ATXN10: variants seen among roughly 807,000 people sequenced by gnomAD.
The protein encoded by ATXN10 is ataxin 10, also known as ataxin-10.
A neutral mutation model predicts 52.9 loss-of-function variants in ATXN10; 28 were observed. The ratio of observed to expected loss-of-function variants is 0.53; its 90% CI spans 0.39 to 0.73. The LOEUF (loss-of-function observed/expected upper bound fraction) is 0.73. ATXN10 is among the 30% of genes least tolerant of loss of function. The pLI, the probability that ATXN10 is intolerant of heterozygous loss-of-function variation, is 0.00. For synonymous variants in ATXN10, 226 were observed against 221.5 expected (o/e 1.02, Z -0.18); for missense variants, 565 against 577.0 (o/e 0.98, Z 0.21).
chr22:45,738,884 G>C (rs749086441), intron 8 of ATXN10, 45 bp downstream of exon 8: 2 of 1,483,080 alleles, frequency 1.3e-6, no homozygotes, highest in Admixed American at 3.4e-5. Flanking sequence ...AGAAATCTTT[G>C]GCTTGTCATA....
In ATXN10 at chr22:45,683,361, G is replaced by C. The variant is rs904065148; in HGVS notation, c.117-6351G>C. ...AAGAACCTTCCATGGCTTCACATCA[G>C]GATAAAAGCCAGCGTCCTTCCGTGG... is the stretch of plus-strand genomic sequence containing the variant. On this transcript the variant is annotated intron_variant, in intron 1 of 11. Transcript: ENST00000252934. The surrounding 1 kb of genome is among the most constrained non-coding windows in gnomAD (Gnocchi z 4.8). Among the ~76,000 whole-genome samples the C allele has an allele frequency of 3.3e-5, 5 of 152,154 alleles. No individual in the cohort carries two copies. The highest frequency in any genetic ancestry group is 2.6e-4 in the Admixed American group (4 of 15,284).
At chr22:45,803,609 A>T (rs1383430655) in intron 9 of ATXN10, among the ~76,000 whole-genome samples, 3 of 152,138 alleles carry the variant, frequency 2.0e-5, no homozygotes, top group South Asian at 2.1e-4. Context: ...AGTGACACTT[A>T]TAGGGCCCTT....
At chr22:45,676,694 G>A (rs750837874) in intron 1 of ATXN10, 2 of 152,082 alleles carry the variant, frequency 1.3e-5, no homozygotes, top group Non-Finnish European at 2.9e-5. Flanking sequence ...GGTCAGGTTG[G>A]TCTTGAACTC....
rs1324050977 is a variant in ATXN10 at position 45,681,178 on chromosome 22, T to A, written c.117-8534T>A. Among the ~76,000 whole-genome samples, 3 of 152,240 alleles carry A rather than the reference T, an allele frequency of 2.0e-5. No homozygotes were observed. The highest frequency in any genetic ancestry group is 4.4e-5 in the Non-Finnish European group (3 of 68,040). Reference sequence around the variant, plus strand: ...TCACTTTTCACTCTATTTCTTCTCCTGTCTTAAATCTTCGTTATTTCATTG... The same window carrying A: ...TCACTTTTCACTCTATTTCTTCTCCAGTCTTAAATCTTCGTTATTTCATTG... On this transcript the variant is annotated intron_variant, in intron 1 of 11. Coordinates refer to ENST00000252934, the MANE Select transcript of ATXN10 (RefSeq NM_013236.4). This position sits in a 1 kb window ranked among gnomAD's most constrained non-coding sequence, Gnocchi z 4.2.
chr22:45,760,361 T>G (rs1926340709), intron 9 of ATXN10, among the ~76,000 whole-genome samples: 1 of 152,118 alleles, frequency 6.6e-6, no homozygotes, highest in South Asian at 2.1e-4. Flanking sequence ...CATCGTTCCC[T>G]TTAGTGCAGC....
chr22:45,740,464 G>C lies in ATXN10; in HGVS notation c.1099G>C (p.Ala367Pro), dbSNP rs773390221. 2 of 1,613,868 alleles carry C rather than the reference G, an allele frequency of 1.2e-6. No individual in the cohort carries two copies. The highest frequency in any genetic ancestry group is 1.7e-6 in the Non-Finnish European group (2 of 1,179,912). The change falls in exon 9 of 12, where the codon GCC becomes CCC. Residue 367 changes from alanine to proline, a missense_variant. Ala to Pro is a conservative substitution (Grantham distance 27). Transcript: ENST00000252934. ...VRAEGDISNV[A>P]NGFKSHLIRL... is the part of the protein sequence containing the mutation. ...AGCAGAAGGTGACATCTCCAATGTGGCCAATGGGTTTAAGTCTCATCTCAT... is the reference window on the plus strand; with the variant it reads ...AGCAGAAGGTGACATCTCCAATGTGCCCAATGGGTTTAAGTCTCATCTCAT...
In ATXN10 at chr22:45,775,205, A is replaced by G. The variant is rs1926908529; in HGVS notation, c.1174-31754A>G. Among the ~76,000 whole-genome samples the G allele has an allele frequency of 6.6e-6, 1 of 152,164 alleles. No homozygotes were observed. The highest frequency in any genetic ancestry group is 1.5e-5 in the Non-Finnish European group (1 of 68,026). On this transcript the variant is annotated intron_variant, in intron 9 of 11. Transcript: ENST00000252934. This position sits in a 1 kb window ranked among gnomAD's most constrained non-coding sequence, Gnocchi z 4.7. ...GAGGGGATGGCAGTGGGCAGGGGACAGATGTGTGCACATGGAGGACTGGGA... is the reference window on the plus strand; with the variant it reads ...GAGGGGATGGCAGTGGGCAGGGGACGGATGTGTGCACATGGAGGACTGGGA...
intron 3 of ATXN10, among the ~76,000 whole-genome samples, chr22:45,699,467 C>CT (rs11378331): frequency 0.3 from 35,338 of 119,634 alleles, 5,540 homozygotes; most frequent in East Asian, 0.53. Context: ...CAGTAGAAAT[C>CT]TTTTTTTTTT....
At chr22:45,716,245 C>T (rs751013888) in intron 5 of ATXN10, among the ~76,000 whole-genome samples, 8 of 151,884 alleles carry the variant, frequency 5.3e-5, no homozygotes, top group Non-Finnish European at 1.0e-4. Context: ...AGCTAGGTGA[C>T]AGAGCGAGAC....
intron 6 of ATXN10, among the ~76,000 whole-genome samples, chr22:45,722,247 T>G (rs1308265054): frequency 6.6e-6 from 1 of 152,210 alleles, no homozygotes; most frequent in African/African-American, 2.4e-5. Context: ...TAACTAGCAT[T>G]TGTCAGACCA....
At chr22:45,740,193 C>T (rs1601616456) in intron 8 of ATXN10, among the ~76,000 whole-genome samples, 176 bp from the exon 9 acceptor site, 1 of 152,208 alleles carries the variant, frequency 6.6e-6, no homozygotes, top group South Asian at 2.1e-4. Context: ...GAAGAGCCTT[C>T]TAATCATTTT....
At chr22:45,672,992 A>G (rs1415574834) in intron 1 of ATXN10, 1 of 152,244 alleles carries the variant, frequency 6.6e-6, no homozygotes, top group African/African-American at 2.4e-5. Flanking sequence ...TGCTTGTTTG[A>G]TCTTGTTCTG....
Position 45,826,926 on chromosome 22 carries a change from T to C in ATXN10, c.1238-16065T>C, listed in dbSNP as rs1388897283. 6.6e-6 allele frequency among the ~76,000 whole-genome samples: 1 copy of C among 152,218 alleles called. No homozygotes were observed. The highest frequency in any genetic ancestry group is 1.5e-5 in the Non-Finnish European group (1 of 68,038). On this transcript the variant is annotated intron_variant, in intron 10 of 11. Coordinates refer to ENST00000252934, the MANE Select transcript of ATXN10 (RefSeq NM_013236.4). The surrounding 1 kb of genome is among the most constrained non-coding windows in gnomAD (Gnocchi z 5.0). ...TTCACATTTTGTTTTCTACATATTT[T>C]AAGAGACTAATGTGTCTGAAAGGAT...
In ATXN10 at chr22:45,843,301, T is replaced by C. The variant is rs1216269094; in HGVS notation, c.1425+123T>C. ...GATGGGAGAATTGTGCCCTCTATAG[T>C]GGTTTACCGAGGAAAGCCCTAAAGA... On this transcript the variant is annotated intron_variant, in intron 11 of 11. Coordinates refer to ENST00000252934, the MANE Select transcript of ATXN10 (RefSeq NM_013236.4). This position sits in a 1 kb window ranked among gnomAD's most constrained non-coding sequence, Gnocchi z 4.5. 1 of 1,140,516 alleles carries C rather than the reference T, an allele frequency of 8.8e-7. No individual in the cohort carries two copies. Among genetic ancestry groups the C allele is most frequent in the East Asian group, 2.5e-5 (1 of 40,006 alleles). The allele number at this position is 1,140,516 out of a possible 1,614,324, so 70.6% of individuals were successfully genotyped here.
intron 9 of ATXN10, among the ~76,000 whole-genome samples, chr22:45,776,505 CTTT>C (rs745990618): frequency 7.0e-6 from 1 of 143,374 alleles, no homozygotes. Flanking sequence ...TCCCTGATAC[CTTT>C]TTTTTTTTTT....
In ATXN10 at chr22:45,789,049, C is replaced by A. The variant is rs958871151; in HGVS notation, c.1174-17910C>A. Among the ~76,000 whole-genome samples, 2 of 151,936 alleles carry A rather than the reference C, an allele frequency of 1.3e-5. No homozygotes were observed. Among genetic ancestry groups the A allele is most frequent in the African/African-American group, 4.8e-5 (2 of 41,362 alleles). ...CAAGACATGGGTAGTTTTAAAAGCT[C>A]CCCAGGAGATGCAGATTGACAGTAA... On this transcript the variant is annotated intron_variant, in intron 9 of 11. Transcript: ENST00000252934. This position sits in a 1 kb window ranked among gnomAD's most constrained non-coding sequence, Gnocchi z 4.0.
At chr22:45,743,049 C>A (rs917206154) in intron 9 of ATXN10, among the ~76,000 whole-genome samples, 2 of 152,186 alleles carry the variant, frequency 1.3e-5, no homozygotes, top group South Asian at 2.1e-4. Context: ...TCACTGAAGT[C>A]AGGATCAGAT....
rs1287707504 is a variant in ATXN10 at position 45,842,398 on chromosome 22, A to G, written c.1238-593A>G. Among the ~76,000 whole-genome samples the G allele has an allele frequency of 2.6e-5, 4 of 152,148 alleles. No homozygotes were observed. The highest frequency in any genetic ancestry group is 5.9e-5 in the Non-Finnish European group (4 of 68,034). ...TGCTTTCAGGAGCCTGAGTATTCAA[A>G]CTAAACACAGCAAATCCTTCAAAGC... On this transcript the variant is annotated intron_variant, in intron 10 of 11. Transcript: ENST00000252934. The surrounding 1 kb of genome is among the most constrained non-coding windows in gnomAD (Gnocchi z 4.8).
chr22:45,813,761 C>T (rs1928365809), intron 10 of ATXN10, among the ~76,000 whole-genome samples: 1 of 152,098 alleles, frequency 6.6e-6, no homozygotes, highest in Admixed American at 6.5e-5. Flanking sequence ...TATAAAGTGC[C>T]CAGAAATAGT....
Sources: allele counts gnomAD v4.1 joint callset (sites outside exome capture counted in the v4.1 genomes callset), GRCh38; gene constraint gnomAD v4.1.1; non-coding constraint Gnocchi (gnomAD v3.1); transcripts MANE v1.5; gene names NCBI Gene and HGNC (gene_info 2026-07-23, HGNC 2026-07-21).